Variants in DNAJC14 observed in about 807,000 individuals in gnomAD.
DNAJC14 encodes the protein DnaJ heat shock protein family (Hsp40) member C14.
A neutral mutation model predicts 68.8 loss-of-function variants in DNAJC14; 12 were observed. That is an observed-to-expected ratio of 0.17 (90% CI 0.11 to 0.28). The LOEUF (loss-of-function observed/expected upper bound fraction) is 0.28, where lower values mean the gene tolerates loss of function less well. DNAJC14 is among the 10% of genes least tolerant of loss of function. The probability of loss-of-function intolerance (pLI) is 1.00; values close to 1 mark genes in which losing one functional copy is unlikely to be tolerated. For missense variants in DNAJC14, 764 were observed against 875.6 expected, an observed-to-expected ratio of 0.87 and a Z score of 1.61; for synonymous variants, 350 against 321.5, an observed-to-expected ratio of 1.09 and a Z score of -0.95.
intron 1 of DNAJC14, 88 bp from the exon 2 acceptor site, chr12:55,828,802 C>A: frequency 7.3e-7 from 1 of 1,369,558 alleles, no homozygotes. Context: ...TTTAATTCAT[C>A]CACCTCCCTT....
At position 55,823,119 on chromosome 12, in the gene DNAJC14, T is replaced by C. The variant is rs144783896; in HGVS notation, c.1585A>G (p.Lys529Glu). 4.3e-6 allele frequency: 7 copies of C among 1,614,086 alleles called. No homozygotes were observed. In the African/African-American group the frequency reaches 9.3e-5, roughly 22 times the overall value. Residue 529 changes from lysine to glutamate, a missense_variant, in exon 4 of 7, where the codon AAG becomes GAG. By Grantham distance (56) the Lys-to-Glu change is moderately conservative. Transcript: ENST00000678005. ...CACATCATAGTATTCATTGCCTCCT[T>C]GAGGTCATCTTGCAGCTTGGACAGA... is the stretch of plus-strand genomic sequence containing the variant. Reference protein sequence around the residue: ...EFLSKLQDDLKEAMNTMMCSR... With the variant: ...EFLSKLQDDLEEAMNTMMCSR...
At chr12:55,822,231 T>C in intron 6 of DNAJC14, 44 bp from the exon 7 acceptor site, 3 of 1,538,614 alleles carry the variant, frequency 1.9e-6, no homozygotes, top group Non-Finnish European at 2.6e-6. Flanking sequence ...GTTAGAGTCA[T>C]ATGGTTACCT....
In DNAJC14 at chr12:55,828,507, C is replaced by G. The variant is rs1880869205; in HGVS notation, c.152G>C (p.Arg51Pro). Residue 51 changes from arginine to proline, a missense_variant, in exon 2 of 7, where the codon CGC becomes CCC. This residue lies in a region of DNAJC14 where 514 missense variants were observed against 521.7 expected (regional missense o/e 0.99). Coordinates refer to ENST00000678005, the MANE Select transcript of DNAJC14 (RefSeq NM_032364.6). Reference sequence around the variant, plus strand: ...AGGACCAGAGTGCTCTGTGAGGCAGCGGGTACCATTAGGAGCAGTCCCTGC... The same window carrying G: ...AGGACCAGAGTGCTCTGTGAGGCAGGGGGTACCATTAGGAGCAGTCCCTGC... ...DSAGTAPNGTRCLTEHSGPKH... is the reference protein window; with the variant it reads ...DSAGTAPNGTPCLTEHSGPKH... 6.2e-7 allele frequency: 1 copy of G among 1,614,074 alleles called. No individual in the cohort carries two copies. Among genetic ancestry groups the G allele is most frequent in the Admixed American group, 1.7e-5 (1 of 59,990 alleles).
At chr12:55,829,461 A>C (rs1377334446) in intron 1 of DNAJC14, 28 bp downstream of exon 1, 32 of 982,568 alleles carry the variant, frequency 3.3e-5, no homozygotes, top group Non-Finnish European at 3.5e-5. Context: ...ACAAAAAAAA[A>C]CGAAAAAAAA....
chr12:55,825,460 T>A (rs973811787), intron 2 of DNAJC14, among the ~76,000 whole-genome samples: 1 of 152,068 alleles, frequency 6.6e-6, no homozygotes, highest in Admixed American at 6.6e-5. Flanking sequence ...AATATCTACT[T>A]CTAATGCAAT....
At position 55,828,451 on chromosome 12, in the gene DNAJC14, A is replaced by G. The variant is rs771734581; in HGVS notation, c.208T>C (p.Trp70Arg). 14 of 1,613,972 alleles carry G rather than the reference A, an allele frequency of 8.7e-6. No homozygotes were observed. The highest frequency in any genetic ancestry group is 1.2e-5 in the Non-Finnish European group (14 of 1,180,008). The change falls in exon 2 of 7, where the codon TGG (tryptophan) becomes CGG (arginine). Residue 70 changes from tryptophan to arginine, a missense_variant. Coordinates refer to ENST00000678005, the MANE Select transcript of DNAJC14 (RefSeq NM_032364.6). ...GGGGGGCCATGGCTTGGGTCCAACC[A>G]ATGGGCTGGGTTTGGGTGCTGTGTG... ...KHTQHPNPAHWLDPSHGPPGG... is the reference protein window; with the variant it reads ...KHTQHPNPAHRLDPSHGPPGG...
At chr12:55,822,326 T>A (rs766638032) in intron 6 of DNAJC14, 47 bp downstream of exon 6, 1 of 1,592,130 alleles carries the variant, frequency 6.3e-7, no homozygotes, top group South Asian at 1.1e-5. Context: ...TGAAACCGTA[T>A]TCAAAACTGA....
Position 55,822,113 on chromosome 12 carries a change from A to G in DNAJC14, c.1973T>C (p.Met658Thr), listed in dbSNP as rs1265967588. The G allele has an allele frequency of 6.2e-7, 1 of 1,613,636 alleles. No homozygotes were observed. The highest frequency in any genetic ancestry group is 8.5e-7 in the Non-Finnish European group (1 of 1,179,852). ...AGCTGCAAAGAAGTTCCCATTGGGC[A>G]TCTGCCCTGGGGGTACTTGAAAGAT... is the stretch of plus-strand genomic sequence containing the variant. ...SRIFQVPPGQ[M>T]PNGNFFAAPQ... The change falls in exon 7 of 7, where the codon ATG (methionine) becomes ACG (threonine). Residue 658 changes from methionine to threonine, a missense_variant. Coordinates refer to ENST00000678005, the MANE Select transcript of DNAJC14 (RefSeq NM_032364.6).
At chr12:55,827,065 C>G (rs946465107) in intron 2 of DNAJC14, among the ~76,000 whole-genome samples, 187 bp downstream of exon 2, 1 of 151,606 alleles carries the variant, frequency 6.6e-6, no homozygotes, top group Non-Finnish European at 1.5e-5. Flanking sequence ...GTGGCGCGCA[C>G]CTGTAATCCC....
At chr12:55,823,307 C>T (rs1175520417) in intron 3 of DNAJC14, 95 bp downstream of exon 3, 4 of 1,596,158 alleles carry the variant, frequency 2.5e-6, no homozygotes, top group Admixed American at 3.4e-5. Context: ...TCAGTTCTCT[C>T]CATCTCAACA....
intron 2 of DNAJC14, among the ~76,000 whole-genome samples, chr12:55,825,705 G>A (rs554025654): frequency 2.0e-5 from 3 of 151,680 alleles, no homozygotes; most frequent in Non-Finnish European, 4.4e-5. Flanking sequence ...CACCACACCC[G>A]GCTAATTTTT....
In DNAJC14 at chr12:55,822,442, G is replaced by A. The variant is rs772517438; in HGVS notation, c.1829C>T (p.Pro610Leu). 1.2e-6 allele frequency: 2 copies of A among 1,613,836 alleles called. No homozygotes were observed. Among genetic ancestry groups the A allele is most frequent in the East Asian group, 2.2e-5 (1 of 44,886 alleles). ...WAGCQRVGIS[P>L]DTHRVPYHIS... Reference sequence around the variant, plus strand: ...GTGATAGGGGACTCTGTGGGTATCTGGGGAGATACCTACACGCTGGCATCC... The same window carrying A: ...GTGATAGGGGACTCTGTGGGTATCTAGGGAGATACCTACACGCTGGCATCC... The change falls in exon 6 of 7, where the codon CCA becomes CTA. Residue 610 changes from proline (P) to leucine (L), a missense_variant. Transcript: ENST00000678005.
At chr12:55,824,713 A>T (rs935675293) in intron 2 of DNAJC14, among the ~76,000 whole-genome samples, 1 of 152,226 alleles carries the variant, frequency 6.6e-6, no homozygotes, top group Non-Finnish European at 1.5e-5. Context: ...AAATTGAAAA[A>T]TGAGAATTTT....
At chr12:55,823,329 C>A in intron 3 of DNAJC14, 73 bp downstream of exon 3, 1 of 1,598,200 alleles carries the variant, frequency 6.3e-7, no homozygotes, top group Non-Finnish European at 8.6e-7. Context: ...GCCTCCACCC[C>A]CAAGTCCAGA....
At position 55,821,965 on chromosome 12, in the gene DNAJC14, A is replaced by G. The variant is rs760272197; in HGVS notation, c.*12T>C. ...GACTCCCTGACATTGATTTGAGGAA[A>G]GAGAAGGGGCATCAACGTTGGAAGG... On this transcript the variant is annotated 3_prime_UTR_variant, in exon 7 of 7. Transcript: ENST00000678005. 1 of 1,599,436 alleles carries G rather than the reference A, an allele frequency of 6.3e-7. No homozygotes were observed. Among genetic ancestry groups the G allele is most frequent in the Non-Finnish European group, 8.5e-7 (1 of 1,174,046 alleles).
Position 55,828,136 on chromosome 12 carries a change from C to T in DNAJC14, c.523G>A (p.Glu175Lys). Residue 175 changes from glutamate to lysine, a missense_variant, in exon 2 of 7, where the codon GAA becomes AAA. Physicochemically the swap from Glu to Lys is moderately conservative, Grantham distance 56. This residue lies in a region of DNAJC14 where 514 missense variants were observed against 521.7 expected (regional missense o/e 0.99). Transcript: ENST00000678005. ...AAATCACTGGGGAACTTGAGAGATT[C>T]TTCATCATCATATTCCTCTTCCAAC... Reference protein sequence around the residue: ...DELEEEYDDEESLKFPSDFSR... With the variant: ...DELEEEYDDEKSLKFPSDFSR... 6.2e-7 allele frequency: 1 copy of T among 1,608,674 alleles called. No individual in the cohort carries two copies. Among genetic ancestry groups the T allele is most frequent in the Non-Finnish European group, 8.5e-7 (1 of 1,177,222 alleles).
rs1461697390 is a variant in DNAJC14 at position 55,822,032 on chromosome 12, T to C, written c.2054A>G (p.Lys685Arg). Reference sequence around the variant, plus strand: ...CCGCCGCTTAGGTTTGGCTTCTCCCTTGGGTACTGTGCTGTTGGGCTTAGA... The same window carrying C: ...CCGCCGCTTAGGTTTGGCTTCTCCCCTGGGTACTGTGCTGTTGGGCTTAGA... ...AASKPNSTVPKGEAKPKRRKK... is the reference protein window; with the variant it reads ...AASKPNSTVPRGEAKPKRRKK... The change falls in exon 7 of 7, where the codon AAG (lysine) becomes AGG (arginine). Residue 685 changes from lysine (K) to arginine (R), a missense_variant. Physicochemically the swap from Lys to Arg is conservative, Grantham distance 26. Transcript: ENST00000678005. The C allele has an allele frequency of 6.2e-7, 1 of 1,613,994 alleles. No homozygotes were observed. Among genetic ancestry groups the C allele is most frequent in the South Asian group, 1.1e-5 (1 of 91,066 alleles).
chr12:55,822,169 A>T lies in DNAJC14; in HGVS notation c.1917T>A (p.Pro639=), dbSNP rs1341343328. Residue 639 remains proline (P), a synonymous_variant, in exon 7 of 7, where the codon CCT becomes CCA. Transcript: ENST00000678005. ...RGRQRATPDA[P]PADLQDFLSR... The stretch of plus-strand genomic sequence containing the variant: ...TCAAGAAATCCTGAAGATCAGCAGG[A>T]GGGGCATCTGGGGTGGCTCTGAGGT... 2 of 1,600,274 alleles carry T rather than the reference A, an allele frequency of 1.2e-6. No individual in the cohort carries two copies. The highest frequency in any genetic ancestry group is 1.7e-5 in the Admixed American group (1 of 57,796).
chr12:55,826,673 G>A (rs931109304), intron 2 of DNAJC14, among the ~76,000 whole-genome samples: 1 of 151,744 alleles, frequency 6.6e-6, no homozygotes, highest in African/African-American at 2.4e-5. Context: ...AGTGGCAGGC[G>A]CCTGTAGTCC....
Sources: gnomAD v4.1 joint callset for allele counts (sites outside exome capture counted in the v4.1 genomes callset) on GRCh38, gnomAD v4.1.1 for gene constraint, gnomAD v4.1.1 regional missense constraint, MANE v1.5 for transcripts, NCBI Gene and HGNC (gene_info 2026-07-23, HGNC 2026-07-21) for gene names.